The following RFTN2 variants were observed in gnomAD, a reference collection of about 807,000 sequenced individuals.
RFTN2 encodes raftlin-2.
Under a neutral mutation model 52.7 loss-of-function variants are expected in RFTN2, and 34 were observed. The observed-to-expected ratio is 0.64, with a 90% CI of 0.49 to 0.86. RFTN2 has a LOEUF of 0.86. Among genes scored for constraint, RFTN2 ranks in the 40% least tolerant of loss-of-function variants. The pLI, the probability that RFTN2 is intolerant of heterozygous loss-of-function variation, is 0.00. For missense variants in RFTN2, 536 were observed against 600.1 expected, an observed-to-expected ratio of 0.89 and a Z score of 1.12; for synonymous variants, 203 against 217.7, an observed-to-expected ratio of 0.93 and a Z score of 0.59.
At chr2:197,575,836 A>T (rs1316376853) in intron 8 of RFTN2, among the ~76,000 whole-genome samples, 3 of 33,906 alleles carry the variant, frequency 8.8e-5, no homozygotes, top group East Asian at 9.7e-4. Context: ...TATATAATAT[A>T]TTATATATAT....
intron 7 of RFTN2, among the ~76,000 whole-genome samples, chr2:197,615,405 C>G (rs1360296436): frequency 6.6e-6 from 1 of 152,178 alleles, no homozygotes; most frequent in Non-Finnish European, 1.5e-5. Flanking sequence ...GTTTCCCTCT[C>G]TCAAAAAAGT....
At chr2:197,663,969 CCACA>C (rs1324859718) in intron 1 of RFTN2, among the ~76,000 whole-genome samples, 1 of 151,734 alleles carries the variant, frequency 6.6e-6, no homozygotes, top group African/African-American at 2.4e-5. Flanking sequence ...TTGTTGTATC[CCACA>C]GTTTTTGATA....
At position 197,571,780 on chromosome 2, in the gene RFTN2, C is replaced by A; in HGVS notation, c.*228G>T. The A allele has an allele frequency of 1.8e-6, 1 of 548,060 alleles. No homozygotes were observed. Among genetic ancestry groups the A allele is most frequent in the South Asian group, 2.4e-5 (1 of 42,134 alleles). 33.9% of individuals were successfully genotyped at this position (548,060 alleles called of 1,614,324 possible). On this transcript the variant is annotated 3_prime_UTR_variant, in exon 9 of 9. Coordinates refer to ENST00000295049, the MANE Select transcript of RFTN2 (RefSeq NM_144629.3). ...TAACCGAATGGAACATCTGTTTAAC[C>A]AGATGTTTTAGTTGAGAGAAGTGTA... is the stretch of plus-strand genomic sequence containing the variant.
chr2:197,647,733 C>G (rs1255193545), intron 1 of RFTN2, among the ~76,000 whole-genome samples: 1 of 152,072 alleles, frequency 6.6e-6, no homozygotes, highest in African/African-American at 2.4e-5. Flanking sequence ...ATCCAGTAGT[C>G]TCTTTAATAA....
chr2:197,647,290 G>A (rs2088767246), intron 1 of RFTN2, among the ~76,000 whole-genome samples: 1 of 151,770 alleles, frequency 6.6e-6, no homozygotes, highest in Admixed American at 6.6e-5. Flanking sequence ...TGGCACAATC[G>A]TGGCTCTCTG....
chr2:197,590,919 CA>C (rs1311628358), intron 8 of RFTN2, among the ~76,000 whole-genome samples: 2 of 152,122 alleles, frequency 1.3e-5, no homozygotes, highest in Non-Finnish European at 2.9e-5. Context: ...AGTAAAAAAA[CA>C]AAACTCCCCA....
At position 197,570,834 on chromosome 2, in the gene RFTN2, T is replaced by C. The variant is rs2106154335; in HGVS notation, c.*1174A>G. On this transcript the variant is annotated 3_prime_UTR_variant, in exon 9 of 9. Transcript: ENST00000295049. The stretch of plus-strand genomic sequence containing the variant: ...TGATGTTTTATTATTAAAATGATCT[T>C]ACAATGTCAACATCAATGTTAATAA... 1 of 152,358 alleles carries C rather than the reference T, an allele frequency of 6.6e-6. No homozygotes were observed. The allele number at this position is 152,358 out of a possible 1,614,324, so 9.4% of individuals were successfully genotyped here.
Position 197,596,085 on chromosome 2 carries a change from A to G in RFTN2, c.1155-16T>C, listed in dbSNP as rs2087791121. ...ATTCCCTTCACTGCAAATTAAAACAATAGTATTAGTATTTGTGAGTTAGTA... is the reference window on the plus strand; with the variant it reads ...ATTCCCTTCACTGCAAATTAAAACAGTAGTATTAGTATTTGTGAGTTAGTA... On this transcript the variant is annotated splice_polypyrimidine_tract_variant and intron_variant, in intron 7 of 8. Coordinates refer to ENST00000295049, the MANE Select transcript of RFTN2 (RefSeq NM_144629.3). The G allele has an allele frequency of 6.6e-7, 1 of 1,516,520 alleles. No homozygotes were observed. Among genetic ancestry groups the G allele is most frequent in the East Asian group, 2.3e-5 (1 of 44,304 alleles). 93.9% of individuals were successfully genotyped at this position (1,516,520 alleles called of 1,614,324 possible).
At chr2:197,664,167 G>C (rs2089018196) in intron 1 of RFTN2, among the ~76,000 whole-genome samples, 1 of 151,980 alleles carries the variant, frequency 6.6e-6, no homozygotes. Context: ...CATTTGATAT[G>C]ATTCCATTTT....
At chr2:197,612,232 A>C (rs971491601) in intron 7 of RFTN2, among the ~76,000 whole-genome samples, 4 of 152,070 alleles carry the variant, frequency 2.6e-5, no homozygotes, top group Admixed American at 1.3e-4. Flanking sequence ...AAATGAGTGC[A>C]TGTCTTTCTT....
chr2:197,665,195 G>C (rs2089034309), intron 1 of RFTN2, among the ~76,000 whole-genome samples: 1 of 149,286 alleles, frequency 6.7e-6, no homozygotes, highest in South Asian at 2.3e-4. Flanking sequence ...AAATGGTGGT[G>C]GGGGGAGCAG....
chr2:197,666,515 A>G (rs1448149832), intron 1 of RFTN2, among the ~76,000 whole-genome samples: 1 of 152,100 alleles, frequency 6.6e-6, no homozygotes, highest in East Asian at 1.9e-4. Flanking sequence ...TGTTATTCTG[A>G]TGGAGGTTCT....
At chr2:197,593,884 CAA>C (rs534731223) in intron 8 of RFTN2, among the ~76,000 whole-genome samples, 15 of 60,818 alleles carry the variant, frequency 2.5e-4, no homozygotes, top group Admixed American at 3.9e-4. Context: ...GACTCCATCT[CAA>C]AAAAAAAAAA....
intron 1 of RFTN2, among the ~76,000 whole-genome samples, chr2:197,660,527 G>T (rs1169891306): frequency 6.6e-6 from 1 of 151,950 alleles, no homozygotes; most frequent in East Asian, 1.9e-4. Flanking sequence ...GTGTAATAAT[G>T]AAGTCAGGGT....
At chr2:197,575,841 ATATATT>A (rs2106161136) in intron 8 of RFTN2, among the ~76,000 whole-genome samples, 1 of 98,286 alleles carries the variant, frequency 1.0e-5, no homozygotes, top group East Asian at 2.9e-4. Context: ...AATATATTAT[ATATATT>A]TTATATACAT....
At chr2:197,584,804 A>T (rs1281817948) in intron 8 of RFTN2, among the ~76,000 whole-genome samples, 3 of 152,126 alleles carry the variant, frequency 2.0e-5, no homozygotes, top group Admixed American at 2.0e-4. Context: ...CATCCCAGAC[A>T]CCAGTCCTCT....
At position 197,568,732 on chromosome 2, in the gene RFTN2, A is replaced by T. The variant is rs1574666431; in HGVS notation, c.*3276T>A. 6.6e-6 allele frequency: 1 copy of T among 152,200 alleles called. No individual in the cohort carries two copies. The highest frequency in any genetic ancestry group is 1.9e-4 in the East Asian group (1 of 5,198). 9.4% of individuals were successfully genotyped at this position (152,200 alleles called of 1,614,324 possible). On this transcript the variant is annotated 3_prime_UTR_variant, in exon 9 of 9. Coordinates refer to ENST00000295049, the MANE Select transcript of RFTN2 (RefSeq NM_144629.3). ...TAAGAGAAAGAAATCCTCTTTAGCC[A>T]TATGGGGAGGGAAAGGGCCACAGTC...
At chr2:197,624,608 A>C (rs1010918784) in intron 5 of RFTN2, among the ~76,000 whole-genome samples, 1 of 150,034 alleles carries the variant, frequency 6.7e-6, no homozygotes, top group African/African-American at 2.5e-5. Flanking sequence ...AAAAAAAAAA[A>C]AAAAAAAAAA....
Position 197,670,558 on chromosome 2 carries a change from C to T in RFTN2, c.139+4762G>A, listed in dbSNP as rs548026088. ...CAGGCATGGTGGCACATGTGTAGTC[C>T]CAGCTACTCCAGCAGCTGAGGCAGG... is the stretch of plus-strand genomic sequence containing the variant. On this transcript the variant is annotated intron_variant, in intron 1 of 8. Transcript: ENST00000295049. 5.4e-5 allele frequency among the ~76,000 whole-genome samples: 8 copies of T among 148,824 alleles called. 1 individual carries two copies. The South Asian group carries it at 1.7e-3, about 31-fold the overall frequency.
Sources: gnomAD v4.1 joint callset for allele counts (sites outside exome capture counted in the v4.1 genomes callset) on GRCh38, gnomAD v4.1.1 for gene constraint, MANE v1.5 for transcripts, NCBI Gene and HGNC (gene_info 2026-07-23, HGNC 2026-07-21) for gene names.